DCLK1: variants seen among roughly 807,000 people sequenced by gnomAD.
The protein encoded by DCLK1 is serine/threonine-protein kinase DCLK1.
Under a neutral mutation model 86.2 loss-of-function variants are expected in DCLK1, and 16 were observed. The observed-to-expected ratio is 0.19, with a 90% CI of 0.13 to 0.28. The LOEUF is 0.28. Ranked by LOEUF, DCLK1 falls within the 10% of genes least tolerant of loss-of-function variation. The probability of loss-of-function intolerance (pLI) is 1.00; values close to 1 mark genes in which losing one functional copy is unlikely to be tolerated. For synonymous variants in DCLK1, 369 were observed against 370.5 expected, an observed-to-expected ratio of 1.00 and a Z score of 0.05; for missense variants, 590 against 940.2, an observed-to-expected ratio of 0.63 and a Z score of 4.87.
chr13:35,887,358 G>A (rs917190073), intron 4 of DCLK1, among the ~76,000 whole-genome samples: 2 of 152,260 alleles, frequency 1.3e-5, no homozygotes, highest in African/African-American at 2.4e-5. Flanking sequence ...GGGTCTTTAA[G>A]TACAAGGTGG....
chr13:36,028,173 C>G (rs1052273863), intron 3 of DCLK1, among the ~76,000 whole-genome samples: 1 of 152,154 alleles, frequency 6.6e-6, no homozygotes, highest in Non-Finnish European at 1.5e-5. Context: ...GTGGACTTAA[C>G]TACTGACTAT....
rs375242117 is a variant in DCLK1, at chr13:35,802,943, G to T, written c.1944+2756C>A. Among the ~76,000 whole-genome samples the T allele has an allele frequency of 1.8e-4, 28 of 152,296 alleles. No individual in the cohort carries two copies. The East Asian group carries it at 4.0e-3, about 22-fold the overall frequency. On this transcript the variant is annotated intron_variant, in intron 15 of 16. Coordinates refer to ENST00000360631, the MANE Select transcript of DCLK1 (RefSeq NM_001330071.2). ...TCCTCCCCGCACAGCTAAGAAAAAG[G>T]TACCATGACCTGGGTAAGTGAGTTT... is the stretch of plus-strand genomic sequence containing the variant.
At chr13:35,958,150 C>CCACCACCAT (rs1566620689) in intron 3 of DCLK1, among the ~76,000 whole-genome samples, 465 of 23,060 alleles carry the variant, frequency 0.02, 6 homozygotes, top group South Asian at 0.039. Flanking sequence ...ACCACCACCA[C>CCACCACCAT]CACTATAACC....
chr13:35,973,200 G>A (rs1343133821), intron 3 of DCLK1, among the ~76,000 whole-genome samples: 3 of 152,190 alleles, frequency 2.0e-5, no homozygotes, highest in Admixed American at 1.3e-4. Context: ...TGGGGGTCCA[G>A]TGGAACCCCC....
chr13:35,815,012 T>C (rs1352878987), intron 11 of DCLK1, among the ~76,000 whole-genome samples: 6 of 152,190 alleles, frequency 3.9e-5, no homozygotes, highest in African/African-American at 1.4e-4. Flanking sequence ...GCAACAATTA[T>C]GAAAAAGGTT....
chr13:35,916,407 C>T (rs926332048), intron 4 of DCLK1, among the ~76,000 whole-genome samples: 1 of 152,138 alleles, frequency 6.6e-6, no homozygotes, highest in African/African-American at 2.4e-5. Flanking sequence ...CTCTCTTCCC[C>T]CTCTGCCTCT....
At chr13:35,874,094 T>C (rs1872458257) in intron 4 of DCLK1, among the ~76,000 whole-genome samples, 1 of 152,146 alleles carries the variant, frequency 6.6e-6, no homozygotes, top group African/African-American at 2.4e-5. Context: ...TAAATCCCAT[T>C]TTACGCTTTA....
chr13:35,807,358 A>AT (rs1447301383), intron 14 of DCLK1, among the ~76,000 whole-genome samples: 2 of 152,230 alleles, frequency 1.3e-5, no homozygotes, highest in African/African-American at 4.8e-5. Flanking sequence ...GTTTCATGGG[A>AT]TAAAAACAAT....
In DCLK1 at chr13:35,933,861, C is replaced by A. The variant is rs565767958; in HGVS notation, c.823+13497G>T. 3.1e-4 allele frequency among the ~76,000 whole-genome samples: 47 copies of A among 152,342 alleles called. 1 individual carries two copies. In the South Asian group the frequency reaches 8.5e-3, roughly 28 times the overall value. On this transcript the variant is annotated intron_variant, in intron 4 of 16. Coordinates refer to ENST00000360631, the MANE Select transcript of DCLK1 (RefSeq NM_001330071.2). ...GGCTGCTCGTTACTTATGCAAATTT[C>A]TGCAGCTGGCTTGAATTTCTCCTCA...
At chr13:35,898,535 T>C (rs1012311742) in intron 4 of DCLK1, among the ~76,000 whole-genome samples, 3 of 152,230 alleles carry the variant, frequency 2.0e-5, no homozygotes, top group Non-Finnish European at 4.4e-5. Context: ...CATTTAGGCA[T>C]ATTTGCAACA....
intron 4 of DCLK1, among the ~76,000 whole-genome samples, chr13:35,917,497 C>T (rs1025741920): frequency 2.0e-5 from 3 of 152,128 alleles, no homozygotes; most frequent in African/African-American, 7.2e-5. Context: ...CAATCCCGTC[C>T]TACCTCTAAA....
chr13:35,810,944 T>C lies in DCLK1; in HGVS notation c.1579A>G (p.Lys527Glu). The change falls in exon 12 of 17, where the codon AAA becomes GAA. Residue 527 changes from lysine (K) to glutamate (E), a missense_variant. This residue lies in a region of DCLK1 where 108 missense variants were observed against 195.7 expected (regional missense o/e 0.55). Coordinates refer to ENST00000360631, the MANE Select transcript of DCLK1 (RefSeq NM_001330071.2). ...LLVYEHQDGS[K>E]SLKLGDFGLA... is the part of the protein sequence containing the mutation. Reference sequence around the variant, plus strand: ...CCAAAGTCACCCAGCTTCAGTGATTTGCTGCCATCTTGGTGCTCATACACC... The same window carrying C: ...CCAAAGTCACCCAGCTTCAGTGATTCGCTGCCATCTTGGTGCTCATACACC... The C allele has an allele frequency of 6.2e-7, 1 of 1,614,086 alleles. No homozygotes were observed. The highest frequency in any genetic ancestry group is 8.5e-7 in the Non-Finnish European group (1 of 1,179,970).
At chr13:35,784,041 T>G (rs892722869) in intron 16 of DCLK1, among the ~76,000 whole-genome samples, 1 of 152,230 alleles carries the variant, frequency 6.6e-6, no homozygotes, top group Non-Finnish European at 1.5e-5. Flanking sequence ...CATTTATACC[T>G]CATAAAGCCT....
intron 15 of DCLK1, among the ~76,000 whole-genome samples, chr13:35,800,635 T>G (rs2086899783): frequency 1.3e-5 from 2 of 152,170 alleles, no homozygotes; most frequent in Non-Finnish European, 2.9e-5. Flanking sequence ...AAGTGACTTT[T>G]GCGGAGTAGG....
intron 5 of DCLK1, among the ~76,000 whole-genome samples, chr13:35,860,941 A>G (rs1871347101): frequency 1.3e-5 from 2 of 152,204 alleles, no homozygotes; most frequent in Non-Finnish European, 2.9e-5. Context: ...GAATAAAGGG[A>G]TGAGGTGGAA....
chr13:36,043,426 G>T (rs559330822), intron 3 of DCLK1, among the ~76,000 whole-genome samples: 1 of 151,910 alleles, frequency 6.6e-6, no homozygotes, highest in Non-Finnish European at 1.5e-5. Context: ...AATATAGGAG[G>T]TTCAACATCT....
At chr13:35,845,715 C>A (rs1428818244) in intron 6 of DCLK1, among the ~76,000 whole-genome samples, 1 of 152,192 alleles carries the variant, frequency 6.6e-6, no homozygotes, top group Non-Finnish European at 1.5e-5. Flanking sequence ...TTACTGTCAG[C>A]ATTTTATACT....
chr13:35,964,279 G>A (rs1343183), intron 3 of DCLK1, among the ~76,000 whole-genome samples: 22,297 of 152,098 alleles, frequency 0.15, 1,817 homozygotes, highest in East Asian at 0.22. Flanking sequence ...GAAGTGCCAG[G>A]TTTGGAGAAT....
At chr13:36,113,648 C>T (rs1213623638) in intron 2 of DCLK1, among the ~76,000 whole-genome samples, 1 of 151,918 alleles carries the variant, frequency 6.6e-6, no homozygotes, top group Non-Finnish European at 1.5e-5. Flanking sequence ...CCTGGCCTCT[C>T]CAAGCATGTG....
Sources: gnomAD v4.1 joint callset for allele counts (sites outside exome capture counted in the v4.1 genomes callset) on GRCh38, gnomAD v4.1.1 for gene constraint, gnomAD v4.1.1 regional missense constraint, MANE v1.5 for transcripts, NCBI Gene and HGNC (gene_info 2026-07-23, HGNC 2026-07-21) for gene names.